Variants in ADGRB3 observed in about 807,000 individuals in gnomAD.
The protein encoded by ADGRB3 is brain-specific angiogenesis inhibitor 3.
ADGRB3 carries 37 observed loss-of-function variants against 193.4 expected under a neutral mutation model. The observed-to-expected ratio is 0.19, with a 90% CI of 0.15 to 0.25. The LOEUF is 0.25. Ranked by LOEUF, ADGRB3 falls within the 10% of genes least tolerant of loss-of-function variation. ADGRB3 has a pLI of 1.00. For synonymous variants in ADGRB3, 690 were observed against 644.2 expected (o/e 1.07, Z -1.08); for missense variants, 1,637 against 1,852.9 (o/e 0.88, Z 2.14).
chr6:69,209,344 CA>C (rs1765606447), intron 17 of ADGRB3, among the ~76,000 whole-genome samples: 4 of 152,162 alleles, frequency 2.6e-5, no homozygotes, highest in Admixed American at 1.3e-4. Context: ...CCAAATGCAG[CA>C]ACTTATCCTT....
At chr6:69,058,406 G>T (rs1771611859) in intron 15 of ADGRB3, among the ~76,000 whole-genome samples, 1 of 151,318 alleles carries the variant, frequency 6.6e-6, no homozygotes, top group Non-Finnish European at 1.5e-5. Flanking sequence ...TCTTAGTTTT[G>T]TTGATTTTTA....
chr6:68,707,882 C>T (rs1161186968), intron 3 of ADGRB3, among the ~76,000 whole-genome samples: 1 of 152,118 alleles, frequency 6.6e-6, no homozygotes, highest in East Asian at 1.9e-4. Flanking sequence ...AGACTAAGTC[C>T]ATTAGCTTTG....
chr6:69,359,599 G>C (rs1044701613), intron 28 of ADGRB3, among the ~76,000 whole-genome samples: 5 of 151,726 alleles, frequency 3.3e-5, no homozygotes, highest in Non-Finnish European at 5.9e-5. Context: ...ATGTAACAGG[G>C]AAAGACATAA....
At chr6:69,198,444 A>G (rs1765344965) in intron 17 of ADGRB3, among the ~76,000 whole-genome samples, 1 of 152,086 alleles carries the variant, frequency 6.6e-6, no homozygotes, top group Admixed American at 6.6e-5. Flanking sequence ...AAGTAGGGTG[A>G]AAAGATGGAG....
rs188932242 is a variant in ADGRB3 at position 68,884,661 on chromosome 6, A to G, written c.758-45898A>G. Among the ~76,000 whole-genome samples, 799 of 152,230 alleles carry G rather than the reference A, an allele frequency of 5.2e-3. 7 individuals are homozygous for G. Among genetic ancestry groups the G allele is most frequent in the African/African-American group, 0.018 (752 of 41,532 alleles). ...GAGTAGGGGCTTTTATCCTAGATAC[A>G]ACGAAAATCTGGCAGTGAAAGAGAT... is the stretch of plus-strand genomic sequence containing the variant. On this transcript the variant is annotated intron_variant, in intron 3 of 31. Transcript: ENST00000370598.
chr6:69,233,199 A>C, intron 17 of ADGRB3, 91 bp from the exon 18 acceptor site: 3 of 1,488,312 alleles, frequency 2.0e-6, no homozygotes, highest in Non-Finnish European at 2.7e-6. Flanking sequence ...ACAGTAGACG[A>C]CTCTCTCAAT....
At chr6:68,732,464 T>G (rs1296292943) in intron 3 of ADGRB3, among the ~76,000 whole-genome samples, 1 of 151,946 alleles carries the variant, frequency 6.6e-6, no homozygotes, top group African/African-American at 2.4e-5. Context: ...AATTTGAAAT[T>G]CAGAAATAAA....
intron 17 of ADGRB3, among the ~76,000 whole-genome samples, chr6:69,172,300 T>G (rs185758693): frequency 6.6e-6 from 1 of 151,904 alleles, no homozygotes; most frequent in Non-Finnish European, 1.5e-5. Flanking sequence ...ACAGACGAGA[T>G]CCCTGCTATC....
intron 3 of ADGRB3, among the ~76,000 whole-genome samples, chr6:68,676,131 G>A (rs1769079602): frequency 6.6e-6 from 1 of 151,996 alleles, no homozygotes; most frequent in African/African-American, 2.4e-5. Context: ...GGTGGCTCAC[G>A]CTTGTAATCC....
At chr6:69,297,213 C>A (rs1767840156) in intron 20 of ADGRB3, among the ~76,000 whole-genome samples, 1 of 151,994 alleles carries the variant, frequency 6.6e-6, no homozygotes, top group African/African-American at 2.4e-5. Context: ...TAATATGTGA[C>A]ATCAATAGAG....
At chr6:68,858,592 CAAAA>C (rs11458724) in intron 3 of ADGRB3, among the ~76,000 whole-genome samples, 1 of 93,458 alleles carries the variant, frequency 1.1e-5, no homozygotes. Context: ...GACCCTGACT[CAAAA>C]AAAAAAAAAA....
chr6:69,223,154 A>C (rs1429302480), intron 17 of ADGRB3, among the ~76,000 whole-genome samples: 3 of 152,180 alleles, frequency 2.0e-5, no homozygotes, highest in Non-Finnish European at 4.4e-5. Context: ...CAAAATTATA[A>C]GAATATCGTT....
chr6:69,103,160 C>G (rs1773112489), intron 17 of ADGRB3, among the ~76,000 whole-genome samples: 1 of 152,010 alleles, frequency 6.6e-6, no homozygotes, highest in Non-Finnish European at 1.5e-5. Context: ...ATGGCATAAC[C>G]CTTGTTGCAG....
At chr6:69,183,321 A>G (rs1764981325) in intron 17 of ADGRB3, among the ~76,000 whole-genome samples, 1 of 152,122 alleles carries the variant, frequency 6.6e-6, no homozygotes, top group Non-Finnish European at 1.5e-5. Context: ...CCTGCACTAT[A>G]CAAAGTGATT....
intron 17 of ADGRB3, among the ~76,000 whole-genome samples, chr6:69,186,361 G>A (rs954661268): frequency 1.3e-5 from 2 of 152,002 alleles, no homozygotes; most frequent in Admixed American, 1.3e-4. Flanking sequence ...TTAGAAGGCA[G>A]CATTGACTTT....
At position 68,827,017 on chromosome 6, in the gene ADGRB3, G is replaced by C. The variant is rs143462224; in HGVS notation, c.758-103542G>C. Reference sequence around the variant, plus strand: ...CAGGACTGGAGATATAAATTTGAGTGGCATAAGCGTATTGATTTTATTTTA... The same window carrying C: ...CAGGACTGGAGATATAAATTTGAGTCGCATAAGCGTATTGATTTTATTTTA... On this transcript the variant is annotated intron_variant, in intron 3 of 31. Coordinates refer to ENST00000370598, the MANE Select transcript of ADGRB3 (RefSeq NM_001704.3). Among the ~76,000 whole-genome samples the C allele has an allele frequency of 3.9e-3, 597 of 152,144 alleles. 5 individuals are homozygous for C. Among genetic ancestry groups the C allele is most frequent in the African/African-American group, 0.013 (555 of 41,504 alleles).
chr6:69,153,567 T>C (rs1204584825), intron 17 of ADGRB3, among the ~76,000 whole-genome samples: 11 of 152,242 alleles, frequency 7.2e-5, no homozygotes, highest in South Asian at 2.1e-4. Flanking sequence ...GCCTTGGTCC[T>C]AAAGAAAAGT....
intron 8 of ADGRB3, among the ~76,000 whole-genome samples, chr6:68,972,360 T>A (rs1768597799): frequency 1.3e-5 from 2 of 152,186 alleles, no homozygotes; most frequent in African/African-American, 4.8e-5. Flanking sequence ...ACAGCTCTCC[T>A]GCCCCATTTA....
intron 22 of ADGRB3, among the ~76,000 whole-genome samples, chr6:69,328,255 G>A (rs1283468): frequency 0.21 from 31,773 of 151,992 alleles, 3,822 homozygotes; most frequent in African/African-American, 0.32. Flanking sequence ...TGATGATAAT[G>A]TGTATTGTTA....
Sources: gnomAD v4.1 joint callset for allele counts (sites outside exome capture counted in the v4.1 genomes callset) on GRCh38, gnomAD v4.1.1 for gene constraint, MANE v1.5 for transcripts, NCBI Gene and HGNC (gene_info 2026-07-23, HGNC 2026-07-21) for gene names.